Variants in CALCOCO2 observed in about 807,000 individuals in gnomAD.
CALCOCO2 encodes the protein calcium-binding and coiled-coil domain-containing protein 2.
Under a neutral mutation model 62.5 loss-of-function variants are expected in CALCOCO2, and 42 were observed. The ratio of observed to expected loss-of-function variants is 0.67; its 90% confidence interval spans 0.53 to 0.87. CALCOCO2 has a LOEUF of 0.87. Among genes scored for constraint, CALCOCO2 ranks in the 40% least tolerant of loss-of-function variants. CALCOCO2 has a pLI of 0.00. For synonymous variants in CALCOCO2, 167 were observed against 173.0 expected (o/e 0.97, Z 0.27); for missense variants, 456 against 515.0 (o/e 0.89, Z 1.11).
At chr17:48,833,546 CA>C (rs10583747) in intron 1 of CALCOCO2, among the ~76,000 whole-genome samples, 46,137 of 128,064 alleles carry the variant, frequency 0.36, 7,931 homozygotes, top group Non-Finnish European at 0.47. Flanking sequence ...GACTCTGTCT[CA>C]AAAAAAAAAA....
chr17:48,848,977 A>G, intron 4 of CALCOCO2: 1 of 436,332 alleles, frequency 2.3e-6, no homozygotes, highest in Non-Finnish European at 4.3e-6. Flanking sequence ...AGAGACAAAC[A>G]ATACTAAGCG....
chr17:48,837,187 A>G (rs1028232975), intron 1 of CALCOCO2, among the ~76,000 whole-genome samples: 6 of 152,214 alleles, frequency 3.9e-5, no homozygotes, highest in Non-Finnish European at 7.3e-5. Flanking sequence ...GCTGGCCTCC[A>G]TATGACGGTA....
rs149773748 is a variant in CALCOCO2, at chr17:48,864,020, A to G, written c.*1015A>G. Reference sequence around the variant, plus strand: ...TTATCTTGAGGTGGGGAAGGAGGTGATGAAACATTAGTTTGTGAAATCCAA... The same window carrying G: ...TTATCTTGAGGTGGGGAAGGAGGTGGTGAAACATTAGTTTGTGAAATCCAA... On this transcript the variant is annotated 3_prime_UTR_variant, in exon 13 of 13. Coordinates refer to ENST00000258947, the MANE Select transcript of CALCOCO2 (RefSeq NM_005831.5). The G allele has an allele frequency of 6.7e-6, 1 of 150,030 alleles. No individual in the cohort carries two copies. The highest frequency in any genetic ancestry group is 1.5e-5 in the Non-Finnish European group (1 of 67,534). The allele number at this position is 150,030 out of a possible 1,614,324, so 9.3% of individuals were successfully genotyped here.
intron 1 of CALCOCO2, among the ~76,000 whole-genome samples, chr17:48,834,717 G>C (rs569928115): frequency 6.6e-6 from 1 of 152,214 alleles, no homozygotes; most frequent in African/African-American, 2.4e-5. Context: ...TAGTGGGAAA[G>C]GTGGTTAAAG....
chr17:48,834,175 A>G (rs2143561518), intron 1 of CALCOCO2, among the ~76,000 whole-genome samples: 1 of 151,824 alleles, frequency 6.6e-6, no homozygotes, highest in South Asian at 2.1e-4. Context: ...TTTCTTCAGG[A>G]AGACATAAGA....
rs1263919689 is a variant in CALCOCO2 at position 48,852,613 on chromosome 17, C to T, written c.810C>T (p.Leu270=). The change falls in exon 8 of 13, where the codon CTC becomes CTT. Residue 270 remains leucine, a synonymous_variant. Coordinates refer to ENST00000258947, the MANE Select transcript of CALCOCO2 (RefSeq NM_005831.5). ...QLKKENDHLF[L]SLTEQRKDQK... is the part of the protein sequence containing the mutation. ...AAAAGGAAAATGACCACCTCTTTCT[C>T]AGTTTAACTGAACAGGTAGAGTCAT... 46 of 1,613,452 alleles carry T rather than the reference C, an allele frequency of 2.9e-5. No homozygotes were observed. Among genetic ancestry groups the T allele is most frequent in the Non-Finnish European group, 3.8e-5 (45 of 1,179,574 alleles).
chr17:48,841,575 T>C, intron 1 of CALCOCO2, 123 bp from the exon 2 acceptor site: 2 of 563,730 alleles, frequency 3.5e-6, no homozygotes, highest in Non-Finnish European at 6.1e-6. Flanking sequence ...ATCTCAGTAT[T>C]TGTCAGGATT....
chr17:48,835,735 C>G (rs1313583890), intron 1 of CALCOCO2, among the ~76,000 whole-genome samples: 2 of 146,930 alleles, frequency 1.4e-5, no homozygotes, highest in East Asian at 3.9e-4. Flanking sequence ...CTTTTCTTTT[C>G]TTTTCTTTTC....
At chr17:48,856,568 T>G in intron 10 of CALCOCO2, 1 of 456,790 alleles carries the variant, frequency 2.2e-6, no homozygotes, top group Non-Finnish European at 4.4e-6. Flanking sequence ...TTTTCTCTGC[T>G]GCCAAACCAG....
chr17:48,850,026 C>T (rs1357926487), intron 5 of CALCOCO2, among the ~76,000 whole-genome samples: 1 of 151,178 alleles, frequency 6.6e-6, no homozygotes, highest in Non-Finnish European at 1.5e-5. Context: ...GGAGACCGGG[C>T]GTGGTGGCTC....
chr17:48,852,031 G>A (rs1285061854), intron 7 of CALCOCO2, among the ~76,000 whole-genome samples: 10 of 151,940 alleles, frequency 6.6e-5, no homozygotes, highest in Non-Finnish European at 1.0e-4. Context: ...CCAGCTACTC[G>A]GGAGGCTGAG....
At chr17:48,852,090 A>G (rs1394450505) in intron 7 of CALCOCO2, among the ~76,000 whole-genome samples, 2 of 151,382 alleles carry the variant, frequency 1.3e-5, no homozygotes, top group African/African-American at 2.4e-5. Context: ...GTGAATAGAG[A>G]TTGCACCACT....
At chr17:48,848,848 C>G (rs1567754490) in intron 4 of CALCOCO2, 1 of 479,318 alleles carries the variant, frequency 2.1e-6, no homozygotes, top group Non-Finnish European at 4.1e-6. Context: ...GATTCATTTT[C>G]TTACTTCATC....
chr17:48,853,671 A>C (rs1449356546), intron 9 of CALCOCO2, among the ~76,000 whole-genome samples: 1 of 152,260 alleles, frequency 6.6e-6, no homozygotes, highest in East Asian at 1.9e-4. Flanking sequence ...TGATATAGGA[A>C]AGAGTAGAAC....
chr17:48,856,747 A>C (rs550179290), intron 10 of CALCOCO2: 1 of 386,312 alleles, frequency 2.6e-6, no homozygotes, highest in South Asian at 1.8e-5. Context: ...GTTGTACTTG[A>C]AGTCAAGGTC....
intron 10 of CALCOCO2, among the ~76,000 whole-genome samples, chr17:48,858,372 C>T (rs1267035844): frequency 6.6e-6 from 1 of 151,844 alleles, no homozygotes; most frequent in Admixed American, 6.6e-5. Context: ...CTCTGTTATC[C>T]AGGCTGGAGT....
rs1197335559 is a variant in CALCOCO2, at chr17:48,848,262, C to T, written c.284-60C>T. On this transcript the variant is annotated intron_variant, in intron 3 of 12. Coordinates refer to ENST00000258947, the MANE Select transcript of CALCOCO2 (RefSeq NM_005831.5). ...TTTCTGGGGCAGATAAAAAGATTTC[C>T]AGAATTTTACTTTTCTGAATAGATC... 5.7e-6 allele frequency: 9 copies of T among 1,579,556 alleles called. No individual in the cohort carries two copies. The East Asian group carries it at 1.8e-4, about 31-fold the overall frequency.
At position 48,841,741 on chromosome 17, in the gene CALCOCO2, G is replaced by A; in HGVS notation, c.34G>A (p.Ala12Thr). 6.2e-7 allele frequency: 1 copy of A among 1,613,206 alleles called. No homozygotes were observed. The highest frequency in any genetic ancestry group is 8.5e-7 in the Non-Finnish European group (1 of 1,179,446). Residue 12 changes from alanine to threonine, a missense_variant, in exon 2 of 13, where the codon GCT (alanine) becomes ACT (threonine). Transcript: ENST00000258947. The part of the protein sequence containing the change: ...EETIKDPPTS[A>T]VLLDHCHFSQ... ...GACCATCAAAGATCCCCCCACATCA[G>A]CTGTCTTGCTGGATCACTGTCATTT... is the stretch of plus-strand genomic sequence containing the variant.
At chr17:48,848,780 AAAT>A (rs1363785656) in intron 4 of CALCOCO2, 1 of 513,054 alleles carries the variant, frequency 1.9e-6, no homozygotes, top group African/African-American at 1.9e-5. Context: ...GAGAAGCACC[AAAT>A]ATTCTTATCT....
Sources: gnomAD v4.1 joint callset for allele counts (sites outside exome capture counted in the v4.1 genomes callset) on GRCh38, gnomAD v4.1.1 for gene constraint, MANE v1.5 for transcripts, NCBI Gene and HGNC (gene_info 2026-07-23, HGNC 2026-07-21) for gene names.